LARGE1: variants seen among roughly 807,000 people sequenced by gnomAD.
The protein encoded by LARGE1 is xylosyl- and glucuronyltransferase LARGE1.
A neutral mutation model predicts 87.6 loss-of-function variants in LARGE1; 43 were observed. The ratio of observed to expected loss-of-function variants is 0.49; its 90% confidence interval spans 0.38 to 0.63. The LOEUF is 0.63. LARGE1 is among the 30% of genes least tolerant of loss of function. The pLI is 0.00. For synonymous variants in LARGE1, 434 were observed against 394.6 expected (o/e 1.10, Z -1.18); for missense variants, 802 against 1,000.2 (o/e 0.80, Z 2.67).
At chr22:33,897,372 TCC>T (rs2065172815) in intron 1 of LARGE1, among the ~76,000 whole-genome samples, 1 of 152,204 alleles carries the variant, frequency 6.6e-6, no homozygotes, top group Admixed American at 6.5e-5. Context: ...AAGATAAAAG[TCC>T]CAGGGATCCA....
intron 2 of LARGE1, among the ~76,000 whole-genome samples, chr22:33,654,483 C>T (rs909446703): frequency 4.6e-5 from 7 of 152,326 alleles, no homozygotes; most frequent in African/African-American, 1.7e-4. Flanking sequence ...GGCCCTGCTG[C>T]CTTGCCAGAT....
At chr22:33,158,078 T>A (rs534198019), downstream of LARGE1, among the ~76,000 whole-genome samples, 226 of 152,246 alleles carry the variant, frequency 1.5e-3, no homozygotes, top group African/African-American at 5.2e-3. Context: ...GTATTGTATA[T>A]TTAAAATATA....
rs544697514 is a variant in LARGE1, at chr22:33,444,415, G to T, written c.788-12150C>A. The stretch of plus-strand genomic sequence containing the variant: ...GTATTCCTTTCTTCTTTTTTGAGAT[G>T]GAGTCTTGCTCTGTCATCCAGGCTG... On this transcript the variant is annotated intron_variant, in intron 6 of 14. Coordinates refer to ENST00000397394, the MANE Select transcript of LARGE1 (RefSeq NM_133642.5). Among the ~76,000 whole-genome samples, 21 of 152,092 alleles carry T rather than the reference G, an allele frequency of 1.4e-4. No homozygotes were observed. The South Asian group carries it at 4.4e-3, about 32-fold the overall frequency.
At chr22:33,633,420 C>A (rs1004941687) in intron 3 of LARGE1, among the ~76,000 whole-genome samples, 5 of 152,296 alleles carry the variant, frequency 3.3e-5, no homozygotes, top group South Asian at 4.1e-4. Flanking sequence ...AAACCTGAAA[C>A]ATAAAGTTCT....
chr22:33,395,023 G>C (rs1315038793), intron 7 of LARGE1, among the ~76,000 whole-genome samples: 4 of 151,976 alleles, frequency 2.6e-5, no homozygotes, highest in Non-Finnish European at 5.9e-5. Flanking sequence ...TCAGGAGATT[G>C]AGACCATCCT....
chr22:33,734,927 A>T (rs2267278), intron 2 of LARGE1, among the ~76,000 whole-genome samples: 46,307 of 152,026 alleles, frequency 0.3, 9,609 homozygotes, highest in African/African-American at 0.6. Context: ...GTTGGAAGGA[A>T]CCATAGAAGT....
intron 9 of LARGE1, among the ~76,000 whole-genome samples, chr22:33,360,216 G>C (rs1234870876): frequency 6.7e-6 from 1 of 149,274 alleles, no homozygotes; most frequent in Non-Finnish European, 1.5e-5. Flanking sequence ...GGGAGGTTCA[G>C]GCAGGAGAAC....
chr22:33,274,577 A>C lies in LARGE1; in HGVS notation c.2121T>G (p.Pro707=), dbSNP rs1171320628. The C allele has an allele frequency of 6.2e-7, 1 of 1,614,102 alleles. No homozygotes were observed. The highest frequency in any genetic ancestry group is 1.7e-5 in the Admixed American group (1 of 60,020). The change falls in exon 15 of 15, where the codon CCT becomes CCG. Residue 707 remains proline, a synonymous_variant. Coordinates refer to ENST00000397394, the MANE Select transcript of LARGE1 (RefSeq NM_133642.5). The part of the protein sequence containing the change: ...VLPNAYMIHM[P]HAPSFDITKF... The stretch of plus-strand genomic sequence containing the variant: ...TGGTAATGTCGAAGCTGGGGGCATG[A>C]GGCATGTGGATCATGTAGGCGTTGG...
At chr22:33,890,458 T>A (rs906461888) in intron 1 of LARGE1, among the ~76,000 whole-genome samples, 6 of 152,134 alleles carry the variant, frequency 3.9e-5, no homozygotes, top group Admixed American at 3.9e-4. Flanking sequence ...GCATATTTTA[T>A]CTCTGTTTCA....
chr22:33,324,159 G>A (rs1310936622), intron 10 of LARGE1, among the ~76,000 whole-genome samples: 4 of 146,924 alleles, frequency 2.7e-5, no homozygotes, highest in African/African-American at 7.6e-5. Context: ...AACCCAGGAG[G>A]TGGAGGTTGC....
At chr22:33,790,093 T>G (rs2085775103) in intron 1 of LARGE1, among the ~76,000 whole-genome samples, 1 of 152,166 alleles carries the variant, frequency 6.6e-6, no homozygotes, top group South Asian at 2.1e-4. Context: ...AGGGCGGCAC[T>G]AGGTGGAGAT....
intron 9 of LARGE1, among the ~76,000 whole-genome samples, chr22:33,357,708 C>T (rs989275454): frequency 6.6e-5 from 10 of 151,862 alleles, no homozygotes; most frequent in African/African-American, 2.2e-4. Context: ...GAAGGAGAAT[C>T]GCTTCAACCC....
intron 1 of LARGE1, among the ~76,000 whole-genome samples, chr22:33,778,904 G>A (rs755236368): frequency 3.2e-4 from 49 of 152,070 alleles, no homozygotes; most frequent in Non-Finnish European, 7.4e-5. Context: ...ACCCGCCTTG[G>A]CCTCCCAAAG....
At chr22:33,441,581 G>A (rs2067479882) in intron 6 of LARGE1, among the ~76,000 whole-genome samples, 1 of 152,082 alleles carries the variant, frequency 6.6e-6, no homozygotes, top group Non-Finnish European at 1.5e-5. Context: ...AGCCTCCTGA[G>A]CAGCTACGGG....
At chr22:33,713,967 A>ATAACGTAACG (rs1294614589) in intron 2 of LARGE1, among the ~76,000 whole-genome samples, 4,331 of 109,954 alleles carry the variant, frequency 0.039, 82 homozygotes, top group South Asian at 0.073. Flanking sequence ...GAAAAAGTAA[A>ATAACGTAACG]TAACGTAACA....
chr22:33,359,015 T>A (rs1253165859), intron 9 of LARGE1, among the ~76,000 whole-genome samples: 2 of 147,994 alleles, frequency 1.4e-5, no homozygotes, highest in South Asian at 2.2e-4. Flanking sequence ...AAAAAAAAAA[T>A]TCAAATGTCC....
At chr22:33,592,343 G>T (rs1303480796) in intron 5 of LARGE1, among the ~76,000 whole-genome samples, 2 of 151,604 alleles carry the variant, frequency 1.3e-5, no homozygotes, top group Non-Finnish European at 2.9e-5. Context: ...CATCTTCTTT[G>T]CTTCTTACTT....
At chr22:33,779,787 CA>C (rs1569443027) in intron 1 of LARGE1, among the ~76,000 whole-genome samples, 2 of 137,104 alleles carry the variant, frequency 1.5e-5, no homozygotes. Context: ...ACTCTTGTTT[CA>C]AAAAAATTAA....
intron 11 of LARGE1, among the ~76,000 whole-genome samples, chr22:33,260,739 T>C (rs1461826749): frequency 6.6e-6 from 1 of 152,212 alleles, no homozygotes; most frequent in Non-Finnish European, 1.5e-5. Flanking sequence ...GGAAGATTTA[T>C]TGTAAGCTTT....
Sources: gnomAD v4.1 joint callset for allele counts (sites outside exome capture counted in the v4.1 genomes callset) on GRCh38, gnomAD v4.1.1 for gene constraint, MANE v1.5 for transcripts, NCBI Gene and HGNC (gene_info 2026-07-23, HGNC 2026-07-21) for gene names.